Variants in PPP1R1C observed in about 807,000 individuals in gnomAD.
PPP1R1C encodes the protein protein phosphatase 1 regulatory inhibitor subunit 1C.
A neutral mutation model predicts 17.4 loss-of-function variants in PPP1R1C; 15 were observed. That is an observed-to-expected ratio of 0.86 (90% CI 0.58 to 1.33). PPP1R1C has a LOEUF of 1.33. Among genes scored for constraint, PPP1R1C ranks in the 40% most tolerant of loss-of-function variants. The pLI is 0.00. For synonymous variants in PPP1R1C, 35 were observed against 43.1 expected (o/e 0.81, Z 0.73); for missense variants, 143 against 130.0 (o/e 1.10, Z -0.48).
At position 182,117,306 on chromosome 2, in the gene PPP1R1C, G is replaced by A; in HGVS notation, c.*11G>A. 1 of 1,522,182 alleles carries A rather than the reference G, an allele frequency of 6.6e-7. No homozygotes were observed. Among genetic ancestry groups the A allele is most frequent in the Non-Finnish European group, 8.9e-7 (1 of 1,126,220 alleles). The allele number at this position is 1,522,182 out of a possible 1,614,324, so 94.3% of individuals were successfully genotyped here. On this transcript the variant is annotated 3_prime_UTR_variant, in exon 5 of 5. Coordinates refer to ENST00000682840, the MANE Select transcript of PPP1R1C (RefSeq NM_001080545.3). ...CAGCGGGACCATTAATTACTGGTCT[G>A]CAGCAAGAAGGCTTCTTGGAAATAA...
intron 4 of PPP1R1C, among the ~76,000 whole-genome samples, chr2:182,067,286 T>C (rs929540938): frequency 1.3e-5 from 2 of 152,134 alleles, no homozygotes; most frequent in African/African-American, 4.8e-5. Context: ...CTTTGTATGC[T>C]TACAGCATTT....
At chr2:182,017,511 G>A (rs969628489) in intron 2 of PPP1R1C, among the ~76,000 whole-genome samples, 5 of 151,962 alleles carry the variant, frequency 3.3e-5, no homozygotes, top group African/African-American at 9.7e-5. Context: ...TTTAGAGTTA[G>A]GTAAGAGGCT....
At chr2:182,062,240 T>G (rs923979643) in intron 3 of PPP1R1C, among the ~76,000 whole-genome samples, 1 of 152,054 alleles carries the variant, frequency 6.6e-6, no homozygotes, top group African/African-American at 2.4e-5. Flanking sequence ...TCACAAGACT[T>G]TTCTGAAAAT....
In PPP1R1C at chr2:181,957,135, G is replaced by A. The variant is rs1156616397; in HGVS notation, n.111+2501G>A. Reference sequence around the variant, plus strand: ...ACCACTTTGGGAGGCTGAGGTGGGCGGATTATCTGAGGTCAGGAGTTCGAG... The same window carrying A: ...ACCACTTTGGGAGGCTGAGGTGGGCAGATTATCTGAGGTCAGGAGTTCGAG... On this transcript the variant is annotated intron_variant and non_coding_transcript_variant, in intron 1 of 5. Transcript: ENST00000464264. The surrounding 1 kb of genome is among the most constrained non-coding windows in gnomAD (Gnocchi z 4.2). 2.6e-5 allele frequency among the ~76,000 whole-genome samples: 4 copies of A among 152,098 alleles called. No homozygotes were observed. The South Asian group carries it at 6.2e-4, about 24-fold the overall frequency.
intron 2 of PPP1R1C, among the ~76,000 whole-genome samples, chr2:182,049,710 T>A (rs1687453074): frequency 6.6e-6 from 1 of 152,162 alleles, no homozygotes; most frequent in Non-Finnish European, 1.5e-5. Context: ...AAAGTCCCAA[T>A]TTTAGTTTTA....
At chr2:182,118,046 A>C (rs989000106), downstream of PPP1R1C, 2 of 152,094 alleles carry the variant, frequency 1.3e-5, no homozygotes, top group Non-Finnish European at 2.9e-5. Context: ...TATTACTTGA[A>C]ATTTGGGCCA....
chr2:181,971,589 C>T (rs1376546338), intron 1 of PPP1R1C, among the ~76,000 whole-genome samples: 6 of 152,110 alleles, frequency 3.9e-5, no homozygotes, highest in South Asian at 4.2e-4. Context: ...CACTAGGTCA[C>T]GTTCCCTGCA....
chr2:182,048,105 A>G (rs1559071205), intron 2 of PPP1R1C, among the ~76,000 whole-genome samples: 1 of 152,164 alleles, frequency 6.6e-6, no homozygotes, highest in Non-Finnish European at 1.5e-5. Flanking sequence ...TATAAATAAT[A>G]TTGAAAGAAA....
At chr2:182,050,742 C>T (rs552475107) in intron 2 of PPP1R1C, among the ~76,000 whole-genome samples, 12 of 152,018 alleles carry the variant, frequency 7.9e-5, no homozygotes, top group South Asian at 2.1e-4. Flanking sequence ...ACTTAAACTT[C>T]GGCAAAAAGC....
upstream of PPP1R1C, among the ~76,000 whole-genome samples, chr2:181,980,899 C>T (rs1404727487): frequency 6.6e-6 from 1 of 151,104 alleles, no homozygotes; most frequent in African/African-American, 2.4e-5. Flanking sequence ...AAGATGAGAA[C>T]ATGCAATCAC....
chr2:182,010,854 G>A (rs914509327), intron 2 of PPP1R1C, among the ~76,000 whole-genome samples: 5 of 151,908 alleles, frequency 3.3e-5, no homozygotes, highest in Non-Finnish European at 7.4e-5. Context: ...TTTGTCAAAT[G>A]CTTTTTCATC....
In PPP1R1C at chr2:182,102,123, A is replaced by G. The variant is rs576512891; in HGVS notation, c.242-15084A>G. Reference sequence around the variant, plus strand: ...ACTAAGAATTAACTATAATATTTATAAAAAATCATTTATGGTACAATCTAA... The same window carrying G: ...ACTAAGAATTAACTATAATATTTATGAAAAATCATTTATGGTACAATCTAA... On this transcript the variant is annotated intron_variant, in intron 4 of 4. Transcript: ENST00000682840. Among the ~76,000 whole-genome samples, 33 of 152,352 alleles carry G rather than the reference A, an allele frequency of 2.2e-4. No individual in the cohort carries two copies. In the South Asian group the frequency reaches 6.8e-3, roughly 32 times the overall value.
At chr2:182,004,741 C>T (rs999412607) in intron 2 of PPP1R1C, among the ~76,000 whole-genome samples, 1 of 152,160 alleles carries the variant, frequency 6.6e-6, no homozygotes, top group African/African-American at 2.4e-5. Context: ...CAGGAGGGCT[C>T]ACATGCTCAT....
At chr2:182,084,753 C>T (rs1688579094) in intron 4 of PPP1R1C, among the ~76,000 whole-genome samples, 1 of 151,660 alleles carries the variant, frequency 6.6e-6, no homozygotes, top group Non-Finnish European at 1.5e-5. Flanking sequence ...CATTTTTGTT[C>T]TTATTAATTT....
intron 2 of PPP1R1C, among the ~76,000 whole-genome samples, chr2:182,054,202 T>G (rs188415218): frequency 5.9e-5 from 9 of 152,362 alleles, no homozygotes; most frequent in African/African-American, 2.2e-4. Flanking sequence ...AATAAAAGAT[T>G]CACAGAAAGT....
At chr2:181,979,207 T>A (rs1685149565) in intron 2 of PPP1R1C, among the ~76,000 whole-genome samples, 1 of 152,212 alleles carries the variant, frequency 6.6e-6, no homozygotes, top group African/African-American at 2.4e-5. Context: ...TTGTTCTACA[T>A]CTTATCCTTA....
intron 2 of PPP1R1C, among the ~76,000 whole-genome samples, chr2:181,994,198 G>A (rs1279157400): frequency 2.0e-5 from 3 of 151,730 alleles, no homozygotes; most frequent in African/African-American, 7.3e-5. Context: ...TGATGCTTAG[G>A]TTTTTCATAA....
chr2:182,011,300 A>G (rs375051702), intron 2 of PPP1R1C, among the ~76,000 whole-genome samples: 14 of 151,958 alleles, frequency 9.2e-5, no homozygotes, highest in African/African-American at 2.9e-4. Context: ...ATTACCTGCT[A>G]TTGCTCCATT....
chr2:182,027,820 G>A (rs1161537597), intron 2 of PPP1R1C, among the ~76,000 whole-genome samples: 1 of 145,688 alleles, frequency 6.9e-6, no homozygotes, highest in African/African-American at 2.5e-5. Flanking sequence ...GGTAGAATTC[G>A]GCTGTGAATC....
Sources: allele counts gnomAD v4.1 joint callset (sites outside exome capture counted in the v4.1 genomes callset), GRCh38; gene constraint gnomAD v4.1.1; non-coding constraint Gnocchi (gnomAD v3.1); transcripts MANE v1.5; gene names NCBI Gene and HGNC (gene_info 2026-07-23, HGNC 2026-07-21).